Variants in ARHGAP15 observed in about 807,000 individuals in gnomAD.
The protein encoded by ARHGAP15 is rho GTPase-activating protein 15.
In ARHGAP15, 51 loss-of-function variants were observed where a neutral mutation model predicts 63.7. The observed-to-expected ratio is 0.80, with a 90% confidence interval of 0.64 to 1.01. The LOEUF (loss-of-function observed/expected upper bound fraction) is 1.01. ARHGAP15 is among the 50% of genes least tolerant of loss of function. The pLI, the probability that ARHGAP15 is intolerant of heterozygous loss-of-function variation, is 0.00. For missense variants in ARHGAP15, 560 were observed against 564.6 expected (o/e 0.99, Z 0.08); for synonymous variants, 191 against 193.8 (o/e 0.99, Z 0.12).
chr2:143,418,246 A>G (rs1223583497), intron 6 of ARHGAP15, among the ~76,000 whole-genome samples: 2 of 152,284 alleles, frequency 1.3e-5, no homozygotes, highest in Non-Finnish European at 2.9e-5. Flanking sequence ...ATGTGATAGA[A>G]AAATTCTCCC....
chr2:143,373,797 A>T (rs1042301332), intron 6 of ARHGAP15, among the ~76,000 whole-genome samples: 2 of 152,148 alleles, frequency 1.3e-5, no homozygotes, highest in African/African-American at 4.8e-5. Flanking sequence ...TATAGTACCT[A>T]GGGTGGGATG....
intron 13 of ARHGAP15, among the ~76,000 whole-genome samples, chr2:143,745,112 G>A (rs1256856468): frequency 1.3e-5 from 2 of 152,084 alleles, no homozygotes; most frequent in Non-Finnish European, 2.9e-5. Context: ...TAAGGGCAAC[G>A]TGGCTCAAAA....
intron 12 of ARHGAP15, among the ~76,000 whole-genome samples, chr2:143,636,841 A>G (rs1574745840): frequency 6.6e-6 from 1 of 152,088 alleles, no homozygotes; most frequent in East Asian, 1.9e-4. Context: ...AAAATACCAG[A>G]GAGTGTGTGG....
intron 10 of ARHGAP15, among the ~76,000 whole-genome samples, chr2:143,548,706 C>G (rs1230126812): frequency 1.3e-5 from 2 of 151,620 alleles, no homozygotes; most frequent in Admixed American, 6.6e-5. Flanking sequence ...CCAATAAAAT[C>G]TAGATAATGA....
intron 13 of ARHGAP15, among the ~76,000 whole-genome samples, chr2:143,720,580 A>T (rs1367706991): frequency 6.6e-6 from 1 of 152,186 alleles, no homozygotes; most frequent in African/African-American, 2.4e-5. Context: ...ACTTTTAAGT[A>T]CTAGGGCGAA....
At chr2:143,719,847 T>C (rs969623987) in intron 13 of ARHGAP15, among the ~76,000 whole-genome samples, 2 of 152,200 alleles carry the variant, frequency 1.3e-5, no homozygotes, top group Admixed American at 1.3e-4. Context: ...CTTAAAGCAA[T>C]TCATACTTCC....
At chr2:143,534,970 T>A (rs1694687612) in intron 10 of ARHGAP15, among the ~76,000 whole-genome samples, 2 of 152,116 alleles carry the variant, frequency 1.3e-5, no homozygotes, top group South Asian at 4.1e-4. Context: ...GAAAAATTAT[T>A]TTATAAGTTT....
chr2:143,630,305 AATTT>A (rs1699011217), intron 12 of ARHGAP15, among the ~76,000 whole-genome samples: 1 of 152,166 alleles, frequency 6.6e-6, no homozygotes, highest in Non-Finnish European at 1.5e-5. Context: ...CTCCTTTTGA[AATTT>A]ATTTATATGT....
chr2:143,626,651 T>C (rs1257430506), intron 12 of ARHGAP15, among the ~76,000 whole-genome samples: 1 of 152,132 alleles, frequency 6.6e-6, no homozygotes, highest in Non-Finnish European at 1.5e-5. Context: ...ATGCCCTTTT[T>C]TCAATCCTCC....
At chr2:143,414,786 A>G (rs1344103414) in intron 6 of ARHGAP15, among the ~76,000 whole-genome samples, 1 of 152,168 alleles carries the variant, frequency 6.6e-6, no homozygotes, top group East Asian at 1.9e-4. Flanking sequence ...TACAAAAGTT[A>G]GCCGGGCGTG....
chr2:143,136,323 A>AT (rs1339262626), intron 1 of ARHGAP15, among the ~76,000 whole-genome samples: 9 of 149,216 alleles, frequency 6.0e-5, no homozygotes, highest in African/African-American at 2.0e-4. Context: ...TACTTCTTTT[A>AT]TTTTTTATTT....
At chr2:143,489,512 A>C (rs1239630919) in intron 9 of ARHGAP15, among the ~76,000 whole-genome samples, 1 of 151,922 alleles carries the variant, frequency 6.6e-6, no homozygotes, top group Non-Finnish European at 1.5e-5. Context: ...TTAGCTATGA[A>C]CTTTTTTTAA....
intron 2 of ARHGAP15, among the ~76,000 whole-genome samples, chr2:143,163,810 G>A (rs1459000490): frequency 3.9e-5 from 6 of 152,032 alleles, no homozygotes; most frequent in Non-Finnish European, 5.9e-5. Context: ...TGGGGGCGGC[G>A]GTGTGTTTAT....
intron 6 of ARHGAP15, among the ~76,000 whole-genome samples, chr2:143,263,907 CTTTTTTTTTTTTTTTTTTTTTTTTTT>C (rs373296096): frequency 0.17 from 6,624 of 38,620 alleles, 647 homozygotes; most frequent in African/African-American, 0.39. Flanking sequence ...AAGCTGCAGT[CTTTTTTTTTTTTTTTTTTTTTTTTTT>C]TTTTTTTTTT....
At position 143,163,265 on chromosome 2, in the gene ARHGAP15, T is replaced by A. The variant is rs77213066; in HGVS notation, c.165+7610T>A. On this transcript the variant is annotated intron_variant, in intron 2 of 13. Transcript: ENST00000295095. ...TGCCTTATGTAATGGCACGGTAGCA[T>A]CTTTGCTTGTGTGATGGCACAATAA... Among the ~76,000 whole-genome samples the A allele has an allele frequency of 2.3e-3, 346 of 151,980 alleles. 1 individual carries two copies. Among genetic ancestry groups the A allele is most frequent in the African/African-American group, 8.1e-3 (334 of 41,482 alleles).
At chr2:143,534,190 C>G (rs1442663017) in intron 10 of ARHGAP15, among the ~76,000 whole-genome samples, 1 of 152,122 alleles carries the variant, frequency 6.6e-6, no homozygotes, top group Non-Finnish European at 1.5e-5. Flanking sequence ...GATCTGATGG[C>G]TTTATAAGGG....
intron 3 of ARHGAP15, among the ~76,000 whole-genome samples, chr2:143,211,046 C>T (rs961020617): frequency 5.9e-5 from 9 of 152,092 alleles, no homozygotes; most frequent in African/African-American, 1.9e-4. Flanking sequence ...ACTATTAGTA[C>T]TTTATATGAT....
At chr2:143,237,963 G>A (rs769450078) in intron 5 of ARHGAP15, 2 of 151,806 alleles carry the variant, frequency 1.3e-5, no homozygotes, top group Non-Finnish European at 2.9e-5. Context: ...TATATTTTTG[G>A]GTTTTACATT....
chr2:143,563,648 A>T (rs184087771), intron 11 of ARHGAP15, among the ~76,000 whole-genome samples: 1 of 152,330 alleles, frequency 6.6e-6, no homozygotes, highest in African/African-American at 2.4e-5. Context: ...AGTCAGAGTT[A>T]TGTAACTACT....
Sources: gnomAD v4.1 joint callset for allele counts (sites outside exome capture counted in the v4.1 genomes callset) on GRCh38, gnomAD v4.1.1 for gene constraint, MANE v1.5 for transcripts, NCBI Gene and HGNC (gene_info 2026-07-23, HGNC 2026-07-21) for gene names.